UBASH3A: variants seen among roughly 807,000 people sequenced by gnomAD.
UBASH3A encodes ubiquitin-associated and SH3 domain-containing protein A.
In UBASH3A, 63 loss-of-function variants were observed where a neutral mutation model predicts 73.5. The ratio of observed to expected loss-of-function variants is 0.86; its 90% CI spans 0.70 to 1.06. The LOEUF (loss-of-function observed/expected upper bound fraction) is 1.06. UBASH3A is among the 50% of genes least tolerant of loss of function. UBASH3A has a pLI of 0.00. For missense variants in UBASH3A, 860 were observed against 859.0 expected (o/e 1.00, Z -0.02); for synonymous variants, 363 against 351.1 (o/e 1.03, Z -0.38).
chr21:42,432,322 A>G, intron 9 of UBASH3A, 120 bp downstream of exon 9: 1 of 635,800 alleles, frequency 1.6e-6, no homozygotes. Flanking sequence ...TAGAATGACC[A>G]TGTGTAGACT....
At chr21:42,437,633 C>G in intron 11 of UBASH3A, 53 bp downstream of exon 11, 1 of 1,509,788 alleles carries the variant, frequency 6.6e-7, no homozygotes, top group Non-Finnish European at 9.2e-7. Context: ...TGGGGCTATT[C>G]TCCAAGGGGA....
intron 8 of UBASH3A, among the ~76,000 whole-genome samples, chr21:42,430,959 C>A (rs533599429): frequency 6.6e-6 from 1 of 152,156 alleles, no homozygotes; most frequent in Non-Finnish European, 1.5e-5. Context: ...GGTGAAGGGC[C>A]GATGTCAGCT....
At chr21:42,410,860 T>G (rs1365648311) in intron 3 of UBASH3A, among the ~76,000 whole-genome samples, 1 of 150,814 alleles carries the variant, frequency 6.6e-6, no homozygotes, top group Non-Finnish European at 1.5e-5. Flanking sequence ...CACAGAGACT[T>G]ACACATGCAC....
intron 9 of UBASH3A, among the ~76,000 whole-genome samples, chr21:42,433,959 C>T (rs2053581970): frequency 6.6e-6 from 1 of 152,104 alleles, no homozygotes; most frequent in South Asian, 2.1e-4. Context: ...GCTGCTGGAA[C>T]CTCCTAATAA....
At chr21:42,406,219 C>T (rs1344048624) in intron 1 of UBASH3A, 89 bp from the exon 2 acceptor site, 2 of 1,063,448 alleles carry the variant, frequency 1.9e-6, no homozygotes, top group Non-Finnish European at 2.9e-6. Flanking sequence ...CCCCAAAGAT[C>T]CTGGGTGTGC....
chr21:42,435,149 T>C (rs2053603397), intron 10 of UBASH3A, 195 bp downstream of exon 10: 20 of 553,040 alleles, frequency 3.6e-5, no homozygotes, highest in Non-Finnish European at 5.8e-5. Flanking sequence ...AGTGGCAATG[T>C]AGAGGTTTGA....
chr21:42,444,789 C>G (rs140935648), intron 14 of UBASH3A, 146 bp downstream of exon 14: 18 of 681,454 alleles, frequency 2.6e-5, no homozygotes, highest in Non-Finnish European at 4.4e-5. Flanking sequence ...CTGTGCCCAC[C>G]GGCTCTTATG....
At chr21:42,426,663 C>T (rs992136795) in intron 7 of UBASH3A, 34 bp from the exon 8 acceptor site, 20 of 1,610,876 alleles carry the variant, frequency 1.2e-5, no homozygotes, top group Non-Finnish European at 1.7e-5. Flanking sequence ...CATGGTCTCA[C>T]TTCTGTTCAA....
Position 42,426,801 on chromosome 21 carries a change from G to A in UBASH3A, c.1151G>A (p.Ser384Asn). 10 of 1,614,188 alleles carry A rather than the reference G, an allele frequency of 6.2e-6. No individual in the cohort carries two copies. Among genetic ancestry groups the A allele is most frequent in the Non-Finnish European group, 7.6e-6 (9 of 1,180,022 alleles). Residue 384 changes from serine (S) to asparagine (N), a missense_variant, in exon 8 of 15, where the codon AGC (serine) becomes AAC (asparagine). Transcript: ENST00000319294. The part of the protein sequence containing the change: ...EFLPQTARSL[S>N]SLQALQATVA... ...CTTCCACAAACGGCAAGGAGTCTTA[G>A]CAGCTTACAGGCCTTGCAGGTAATA...
chr21:42,444,927 T>C (rs1475015376), intron 14 of UBASH3A, among the ~76,000 whole-genome samples: 20 of 151,706 alleles, frequency 1.3e-4, no homozygotes, highest in Non-Finnish European at 2.9e-5. Flanking sequence ...AAACAGACGG[T>C]CCAGGAAGGA....
chr21:42,444,394 C>T, intron 13 of UBASH3A, 140 bp from the exon 14 acceptor site: 1 of 699,082 alleles, frequency 1.4e-6, no homozygotes, highest in South Asian at 1.6e-5. Context: ...TTACCAGCCA[C>T]ACTACTTCTA....
intron 2 of UBASH3A, among the ~76,000 whole-genome samples, chr21:42,407,417 G>A (rs1366171987): frequency 6.6e-6 from 1 of 152,126 alleles, no homozygotes; most frequent in Non-Finnish European, 1.5e-5. Context: ...GTCCACTAAA[G>A]CCAGTTGCCA....
In UBASH3A at chr21:42,443,884, C is replaced by T. The variant is rs1004061833; in HGVS notation, c.1738+466C>T. The stretch of plus-strand genomic sequence containing the variant: ...GATGGGACCCAGGCCAGCAGGGTCA[C>T]ACAATCCACCCATGTCCAAGGGATT... On this transcript the variant is annotated intron_variant, in intron 13 of 14. Transcript: ENST00000319294. Among the ~76,000 whole-genome samples, 97 of 24,616 alleles carry T rather than the reference C, an allele frequency of 3.9e-3. 1 individual carries two copies. Among genetic ancestry groups the T allele is most frequent in the Non-Finnish European group, 0.011 (78 of 7,204 alleles). 16.1% of individuals were successfully genotyped at this position (24,616 alleles called of 152,430 possible). A position where few individuals can be genotyped will look rare whatever the true frequency, so the allele number is the denominator to read the frequency against.
rs552692930 is a variant in UBASH3A at position 42,428,444 on chromosome 21, G to C, written c.1170+1624G>C. ...ATGTGAGAAAGGCCCAGACTTGGGA[G>C]AGCCGAGACTCCCCAGGGCTGTGGC... is the stretch of plus-strand genomic sequence containing the variant. On this transcript the variant is annotated intron_variant, in intron 8 of 14. Coordinates refer to ENST00000319294, the MANE Select transcript of UBASH3A (RefSeq NM_018961.4). Among the ~76,000 whole-genome samples, 304 of 152,218 alleles carry C rather than the reference G, an allele frequency of 2.0e-3. 2 individuals are homozygous for C. The highest frequency in any genetic ancestry group is 6.9e-3 in the African/African-American group (285 of 41,532).
intron 1 of UBASH3A, 50 bp downstream of exon 1, chr21:42,404,108 G>T: frequency 1.7e-6 from 2 of 1,145,644 alleles, no homozygotes; most frequent in South Asian, 4.6e-5. Flanking sequence ...GCTGGTGCCA[G>T]ACCCTGCTGC....
intron 3 of UBASH3A, among the ~76,000 whole-genome samples, chr21:42,411,681 G>A (rs1482400346): frequency 6.6e-6 from 1 of 152,202 alleles, no homozygotes; most frequent in Non-Finnish European, 1.5e-5. Context: ...GTGGTTAGTG[G>A]AGCTCCCCTC....
intron 7 of UBASH3A, among the ~76,000 whole-genome samples, chr21:42,419,376 C>G (rs1601574930): frequency 6.6e-6 from 1 of 152,192 alleles, no homozygotes; most frequent in Non-Finnish European, 1.5e-5. Flanking sequence ...CATGAAGAAA[C>G]CAGGTGATAC....
rs1245820047 is a variant in UBASH3A at position 42,413,070 on chromosome 21, C to G, written c.401C>G (p.Ala134Gly). The G allele has an allele frequency of 3.1e-6, 5 of 1,614,090 alleles. No individual in the cohort carries two copies. The highest frequency in any genetic ancestry group is 3.3e-5 in the Admixed American group (2 of 60,008). ...VECLYEALKR[A>G]GDRLLGSFPT... ...TGCCTGTACGAGGCGCTGAAGAGAG[C>G]TGGAGACAGGCTCCTGGGCTCCTTC... The change falls in exon 4 of 15, where the codon GCT becomes GGT. Residue 134 changes from alanine to glycine, a missense_variant. By Grantham distance (60) the Ala-to-Gly change is moderately conservative. Transcript: ENST00000319294. The surrounding 1 kb of genome is among the most constrained non-coding windows in gnomAD (Gnocchi z 4.5).
At chr21:42,414,582 G>A (rs2053164808) in intron 5 of UBASH3A, among the ~76,000 whole-genome samples, 1 of 152,186 alleles carries the variant, frequency 6.6e-6, no homozygotes, top group Admixed American at 6.5e-5. Flanking sequence ...TTGGTTGGGA[G>A]GAGGTCACAC....
Sources: gnomAD v4.1 joint callset for allele counts (sites outside exome capture counted in the v4.1 genomes callset) on GRCh38, gnomAD v4.1.1 for gene constraint, Gnocchi (gnomAD v3.1) non-coding constraint, MANE v1.5 for transcripts, NCBI Gene and HGNC (gene_info 2026-07-23, HGNC 2026-07-21) for gene names.